The following SLC35D4 variants were observed in gnomAD, a reference collection of about 807,000 sequenced individuals.
SLC35D4 encodes UDP-N-acetylglucosamine transporter SLC35D4.
chr18:23,426,884 C>G, the SLC35D4 span, among the ~76,000 whole-genome samples: 1 of 152,180 alleles, frequency 6.6e-6, no homozygotes, highest in Non-Finnish European at 1.5e-5. Flanking sequence ...ACCATTTGAT[C>G]TTTGACAAAC....
the SLC35D4 span, among the ~76,000 whole-genome samples, chr18:23,288,679 A>T: frequency 1.3e-5 from 2 of 152,270 alleles, no homozygotes; most frequent in South Asian, 4.1e-4. Flanking sequence ...AGGGTCTAAG[A>T]AGGCCACCAC....
the SLC35D4 span, among the ~76,000 whole-genome samples, chr18:23,434,650 C>T: frequency 6.6e-6 from 1 of 152,168 alleles, no homozygotes; most frequent in East Asian, 1.9e-4. Flanking sequence ...AAAAATTAGC[C>T]AGGCATGGTG....
the SLC35D4 span, among the ~76,000 whole-genome samples, chr18:23,325,930 T>C: frequency 8.5e-5 from 13 of 152,234 alleles, no homozygotes; most frequent in South Asian, 2.1e-4. Flanking sequence ...AAAGATCTCT[T>C]AAAGCCTGCG....
chr18:23,386,245 T>C, the SLC35D4 span, among the ~76,000 whole-genome samples: 1 of 150,592 alleles, frequency 6.6e-6, no homozygotes, highest in South Asian at 2.1e-4. Flanking sequence ...CAAATGTGAG[T>C]AAATTGAAGA....
At chr18:23,285,302 C>T in the SLC35D4 span, among the ~76,000 whole-genome samples, 1 of 151,950 alleles carries the variant, frequency 6.6e-6, no homozygotes, top group South Asian at 2.1e-4. Flanking sequence ...TATAGGCAAC[C>T]TTCCACCTTC....
the SLC35D4 span, chr18:23,298,161 A>C: frequency 1.4e-6 from 2 of 1,408,024 alleles, no homozygotes; most frequent in Non-Finnish European, 2.0e-6. Flanking sequence ...GCTTCCCCTC[A>C]TCCTGCAACT....
the SLC35D4 span, among the ~76,000 whole-genome samples, chr18:23,425,419 A>C: frequency 6.6e-6 from 1 of 152,216 alleles, no homozygotes; most frequent in African/African-American, 2.4e-5. Flanking sequence ...GACTTTATAC[A>C]GATGCTCTTC....
chr18:23,350,165 A>C, the SLC35D4 span, among the ~76,000 whole-genome samples: 1 of 152,184 alleles, frequency 6.6e-6, no homozygotes, highest in Non-Finnish European at 1.5e-5. Flanking sequence ...TGTTTTGCTT[A>C]TTTAGTGATT....
At chr18:23,250,300 A>T in the SLC35D4 span, among the ~76,000 whole-genome samples, 1 of 151,652 alleles carries the variant, frequency 6.6e-6, no homozygotes, top group Admixed American at 6.6e-5. Flanking sequence ...GTAGAGGAAG[A>T]GTAGAAGCGG....
the SLC35D4 span, among the ~76,000 whole-genome samples, chr18:23,415,423 A>C: frequency 1.3e-5 from 2 of 152,204 alleles, no homozygotes; most frequent in Admixed American, 1.3e-4. Context: ...AAGTAGGTTA[A>C]AAATTACTTT....
the SLC35D4 span, among the ~76,000 whole-genome samples, chr18:23,240,166 G>T: frequency 6.6e-6 from 1 of 152,162 alleles, no homozygotes; most frequent in Non-Finnish European, 1.5e-5. Flanking sequence ...AGGGTTGGAC[G>T]TGGGCCCCAG....
chr18:23,257,480 C>T, the SLC35D4 span: 1 of 1,219,508 alleles, frequency 8.2e-7, no homozygotes, highest in Non-Finnish European at 1.1e-6. Flanking sequence ...TTTTCTTCCT[C>T]TCGACATAGT....
chr18:23,254,791 C>T, the SLC35D4 span, among the ~76,000 whole-genome samples: 1 of 152,156 alleles, frequency 6.6e-6, no homozygotes, highest in Admixed American at 6.5e-5. Context: ...ATGCCCAGGA[C>T]CTCATCTAGA....
the SLC35D4 span, among the ~76,000 whole-genome samples, chr18:23,305,625 A>G: frequency 6.6e-6 from 1 of 152,252 alleles, no homozygotes; most frequent in East Asian, 1.9e-4. Flanking sequence ...TAAAAAGAAG[A>G]GGAAGACATA....
chr18:23,390,557 T>C, the SLC35D4 span, among the ~76,000 whole-genome samples: 1 of 152,176 alleles, frequency 6.6e-6, no homozygotes, highest in South Asian at 2.1e-4. Context: ...TAAAGAGAAA[T>C]TGGTAACTCT....
the SLC35D4 span, among the ~76,000 whole-genome samples, chr18:23,377,161 C>T: frequency 6.6e-6 from 1 of 152,140 alleles, no homozygotes; most frequent in Non-Finnish European, 1.5e-5. Flanking sequence ...CAGGACGGCC[C>T]AGTTTACGCT....
At chr18:23,366,879 T>G in the SLC35D4 span, among the ~76,000 whole-genome samples, 3 of 152,228 alleles carry the variant, frequency 2.0e-5, no homozygotes, top group Admixed American at 6.5e-5. Context: ...TGAGAAGTTG[T>G]AGGTTTATAA....
At chr18:23,358,247 G>T in the SLC35D4 span, among the ~76,000 whole-genome samples, 2 of 152,190 alleles carry the variant, frequency 1.3e-5, no homozygotes, top group Admixed American at 1.3e-4. Flanking sequence ...AGGAACGGCG[G>T]AGAGGGAGAC....
chr18:23,310,387 T>C, the SLC35D4 span: 17 of 615,946 alleles, frequency 2.8e-5, no homozygotes, highest in Non-Finnish European at 3.4e-5. Flanking sequence ...GAAAGGTGTC[T>C]CAGGAATGGC....
Sources: gnomAD v4.1 joint callset for allele counts (sites outside exome capture counted in the v4.1 genomes callset) on GRCh38, gnomAD v4.1.1 for gene constraint, MANE v1.5 for transcripts, NCBI Gene and HGNC (gene_info 2026-07-23, HGNC 2026-07-21) for gene names.